NAA38: variants seen among roughly 807,000 people sequenced by gnomAD.
NAA38 encodes LSM domain containing 1.
Under a neutral mutation model 12.6 loss-of-function variants are expected in NAA38, and 15 were observed. The observed-to-expected ratio is 1.19, with a 90% CI of 0.79 to 1.83. NAA38 has a LOEUF of 1.83. Ranked by LOEUF, NAA38 falls within the 40% of genes most tolerant of loss-of-function variation. The probability of loss-of-function intolerance (pLI) is 0.00; values close to 1 mark genes in which losing one functional copy is unlikely to be tolerated. For synonymous variants in NAA38, 88 were observed against 69.9 expected (o/e 1.26, Z -1.29); for missense variants, 183 against 171.7 (o/e 1.07, Z -0.37).
At chr17:7,869,040 T>C (rs903535960) in intron 2 of NAA38, among the ~76,000 whole-genome samples, 4 of 152,210 alleles carry the variant, frequency 2.6e-5, no homozygotes, top group African/African-American at 9.6e-5. Flanking sequence ...GTAACTCAGG[T>C]TGTGAATCTT....
intron 1 of NAA38, 51 bp from the exon 2 acceptor site, chr17:7,857,249 C>G (rs2078830220): frequency 1.2e-6 from 2 of 1,610,126 alleles, no homozygotes; most frequent in Non-Finnish European, 1.7e-6. Flanking sequence ...GCTGCCCGCC[C>G]GCGGAACCAC....
intron 2 of NAA38, among the ~76,000 whole-genome samples, chr17:7,874,334 A>G (rs942285989): frequency 6.6e-6 from 1 of 152,184 alleles, no homozygotes; most frequent in African/African-American, 2.4e-5. Context: ...TGGGATGGCT[A>G]GAAAGGTCTC....
chr17:7,879,026 A>G (rs947970732), intron 2 of NAA38, among the ~76,000 whole-genome samples: 4 of 151,410 alleles, frequency 2.6e-5, no homozygotes, highest in African/African-American at 9.7e-5. Context: ...TGTATACTAT[A>G]TTTATTCTAT....
chr17:7,859,606 G>A (rs1435720771), upstream of NAA38: 1 of 1,613,962 alleles, frequency 6.2e-7, no homozygotes, highest in Non-Finnish European at 8.5e-7. Context: ...ATCTCACGGA[G>A]TTGTAGGCAA....
Position 7,867,644 on chromosome 17 carries a change from T to A in NAA38, c.-65-1086A>T, listed in dbSNP as rs147418565. On this transcript the variant is annotated intron_variant, in intron 2 of 4. Transcript: ENST00000576861. ...ACTGTACCTGGCCCAGAGTTAAGGG[T>A]TTTATAGAGAGAATCACATGATCAG... is the stretch of plus-strand genomic sequence containing the variant. Among the ~76,000 whole-genome samples, 9 of 151,906 alleles carry A rather than the reference T, an allele frequency of 5.9e-5. No homozygotes were observed. The East Asian group carries it at 1.5e-3, about 26-fold the overall frequency.
chr17:7,862,928 G>C (rs1280084206), upstream of NAA38: 2 of 152,068 alleles, frequency 1.3e-5, no homozygotes, highest in Non-Finnish European at 2.9e-5. Flanking sequence ...TTTATAAGGG[G>C]GAGGGAAGGA....
At chr17:7,866,390 G>A (rs1966982732) in intron 3 of NAA38, 1 of 926,728 alleles carries the variant, frequency 1.1e-6, no homozygotes, top group Non-Finnish European at 1.4e-6. Context: ...TTACAGGTGT[G>A]AGCCATTGCG....
At chr17:7,858,975 G>A (rs964920906), upstream of NAA38, 31 of 687,820 alleles carry the variant, frequency 4.5e-5, no homozygotes, top group African/African-American at 5.2e-4. Flanking sequence ...ACAGCACCTA[G>A]GTCCCCAGGG....
At chr17:7,858,413 G>T, upstream of NAA38, 3 of 1,614,166 alleles carry the variant, frequency 1.9e-6, no homozygotes, top group Non-Finnish European at 2.5e-6. Flanking sequence ...GGAACCTGCT[G>T]CTGAAACCCA....
In NAA38 at chr17:7,857,467, C is replaced by T. The variant is rs1226341739; in HGVS notation, c.-4G>A. On this transcript the variant is annotated 5_prime_UTR_variant, in exon 1 of 3. Coordinates refer to ENST00000575771, the MANE Select transcript of NAA38 (RefSeq NM_001320925.4). ...TGGTCGGTCCAGCTCCGGCCATTTG[C>T]CCGGAGGCCTCCTCTGGGCCTTTCA... is the stretch of plus-strand genomic sequence containing the variant. The T allele has an allele frequency of 1.3e-6, 2 of 1,527,942 alleles. No homozygotes were observed. Among genetic ancestry groups the T allele is most frequent in the South Asian group, 1.3e-5 (1 of 79,066 alleles). The allele number at this position is 1,527,942 out of a possible 1,614,324, so 94.6% of individuals were successfully genotyped here. A position where few individuals can be genotyped will look rare whatever the true frequency, so the allele number is the denominator to read the frequency against.
intron 3 of NAA38, chr17:7,863,314 T>C (rs971775477): frequency 9.9e-5 from 15 of 152,092 alleles, no homozygotes; most frequent in African/African-American, 2.7e-4. Context: ...CAAGTCCTCT[T>C]GTGGTAATCT....
chr17:7,869,765 A>C (rs1451298198), intron 2 of NAA38, among the ~76,000 whole-genome samples: 4 of 152,072 alleles, frequency 2.6e-5, no homozygotes, highest in Non-Finnish European at 5.9e-5. Flanking sequence ...TCCGTCTCCA[A>C]AAAAAAGAAA....
At chr17:7,883,172 T>C (rs1967320903) in intron 2 of NAA38, 1 of 152,098 alleles carries the variant, frequency 6.6e-6, no homozygotes, top group Non-Finnish European at 1.5e-5. Context: ...CCATAAACAC[T>C]GGGGTACAGT....
chr17:7,859,431 A>G (rs781338278), upstream of NAA38: 17 of 1,614,122 alleles, frequency 1.1e-5, no homozygotes, highest in South Asian at 1.2e-4. Flanking sequence ...TATCTCCCCT[A>G]TAACTCACAT....
At chr17:7,875,898 G>A (rs1170800906) in intron 2 of NAA38, among the ~76,000 whole-genome samples, 3 of 152,046 alleles carry the variant, frequency 2.0e-5, no homozygotes, top group African/African-American at 7.3e-5. Context: ...AATAATATGT[G>A]GCCTTTTATG....
upstream of NAA38, chr17:7,857,960 C>G: frequency 1.4e-6 from 2 of 1,462,760 alleles, no homozygotes; most frequent in South Asian, 1.4e-5. Flanking sequence ...GTCCAAACCC[C>G]GCCCCTGATA....
chr17:7,858,873 C>A (rs771597878), upstream of NAA38: 8 of 1,461,372 alleles, frequency 5.5e-6, no homozygotes, highest in Middle Eastern at 3.6e-4. Context: ...GGAATCCCAG[C>A]AAATCTCCAG....
At chr17:7,858,445 A>AT, upstream of NAA38, 1 of 1,614,170 alleles carries the variant, frequency 6.2e-7, no homozygotes, top group South Asian at 1.1e-5. Context: ...GCAGGCCAGG[A>AT]TATCAGCCAC....
At chr17:7,884,784 G>T in intron 1 of NAA38, 1 of 418,556 alleles carries the variant, frequency 2.4e-6, no homozygotes, top group Non-Finnish European at 3.9e-6. Context: ...GTGGGGGGGT[G>T]GTGGGGGGGC....
Sources: gnomAD v4.1 joint callset for allele counts (sites outside exome capture counted in the v4.1 genomes callset) on GRCh38, gnomAD v4.1.1 for gene constraint, MANE v1.5 for transcripts, NCBI Gene and HGNC (gene_info 2026-07-23, HGNC 2026-07-21) for gene names.